KANSL1: variants seen among roughly 807,000 people sequenced by gnomAD.
KANSL1 encodes MLL1/MLL complex subunit KANSL1.
Under a neutral mutation model 103.6 loss-of-function variants are expected in KANSL1, and 22 were observed. The observed-to-expected ratio is 0.21, with a 90% CI of 0.15 to 0.30. KANSL1 has a LOEUF of 0.30. Ranked by LOEUF, KANSL1 falls within the 10% of genes least tolerant of loss-of-function variation. The pLI, the probability that KANSL1 is intolerant of heterozygous loss-of-function variation, is 1.00. For synonymous variants in KANSL1, 600 were observed against 527.6 expected (o/e 1.14, Z -1.88); for missense variants, 1,337 against 1,399.8 (o/e 0.96, Z 0.72).
chr17:46,141,084 A>G (rs74780688), intron 2 of KANSL1, among the ~76,000 whole-genome samples: 15 of 152,228 alleles, frequency 9.9e-5, no homozygotes, highest in African/African-American at 3.1e-4. Flanking sequence ...AAAAAAAAAA[A>G]AGACAATGTA....
intron 2 of KANSL1, among the ~76,000 whole-genome samples, chr17:46,126,116 C>G (rs925610093): frequency 6.6e-6 from 1 of 152,088 alleles, no homozygotes; most frequent in South Asian, 2.1e-4. Flanking sequence ...AAAAGTCGGC[C>G]GGGCACAGTG....
chr17:46,133,023 T>C (rs1241369319), intron 2 of KANSL1, among the ~76,000 whole-genome samples: 1 of 152,186 alleles, frequency 6.6e-6, no homozygotes, highest in African/African-American at 2.4e-5. Context: ...AGACTGTTTG[T>C]TTAGGGTCCA....
chr17:46,130,375 T>G (rs1440785819), intron 2 of KANSL1, among the ~76,000 whole-genome samples: 3 of 152,080 alleles, frequency 2.0e-5, no homozygotes, highest in Non-Finnish European at 4.4e-5. Flanking sequence ...AGCAATAAAG[T>G]TTAAAGTAGA....
chr17:46,184,810 T>C (rs952730250), intron 1 of KANSL1, among the ~76,000 whole-genome samples: 6 of 151,916 alleles, frequency 3.9e-5, no homozygotes, highest in Non-Finnish European at 8.8e-5. Flanking sequence ...CAATTTTGTC[T>C]TGTCTCTTTC....
intron 1 of KANSL1, among the ~76,000 whole-genome samples, chr17:46,210,456 G>A (rs2048120446): frequency 7.0e-4 from 1 of 1,424 alleles, no homozygotes; most frequent in South Asian, 0.025. Flanking sequence ...CTGGGCAACA[G>A]AGTGAGACTC....
At chr17:46,044,830 G>A (rs1454471196) in intron 7 of KANSL1, 2 of 152,152 alleles carry the variant, frequency 1.3e-5, no homozygotes, top group Non-Finnish European at 2.9e-5. Context: ...GCAGCAGTTG[G>A]TTGTTATTCT....
At chr17:46,182,941 G>C (rs2046856574) in intron 1 of KANSL1, among the ~76,000 whole-genome samples, 1 of 152,186 alleles carries the variant, frequency 6.6e-6, no homozygotes, top group Non-Finnish European at 1.5e-5. Flanking sequence ...TACCTACTGA[G>C]TATCTCCAAT....
At chr17:46,210,942 T>C (rs1243708998) in intron 1 of KANSL1, among the ~76,000 whole-genome samples, 1 of 152,210 alleles carries the variant, frequency 6.6e-6, no homozygotes. Flanking sequence ...GGGCCCAAAG[T>C]GGCAATTCCA....
upstream of KANSL1, among the ~76,000 whole-genome samples, chr17:46,198,420 A>AT (rs199805444): frequency 3.7e-5 from 4 of 109,212 alleles, no homozygotes; most frequent in Non-Finnish European, 5.3e-5. Flanking sequence ...ACCTACTTTA[A>AT]TTAAAAAAAA....
intron 2 of KANSL1, among the ~76,000 whole-genome samples, chr17:46,133,695 C>T (rs1050096632): frequency 2.6e-5 from 4 of 152,038 alleles, no homozygotes; most frequent in South Asian, 2.1e-4. Flanking sequence ...AAGTTTGATT[C>T]GAAAAATTTT....
At chr17:46,096,311 C>CTTTCTTTCTTTCTTTCTTTT (rs753073992) in intron 2 of KANSL1, among the ~76,000 whole-genome samples, 7 of 76,406 alleles carry the variant, frequency 9.2e-5, no homozygotes, top group Non-Finnish European at 1.5e-4. Flanking sequence ...GCTTTTTTTT[C>CTTTCTTTCTTTCTTTCTTTT]TTTTTTTTTT....
chr17:46,093,172 G>A (rs1300934762), intron 3 of KANSL1: 2 of 152,166 alleles, frequency 1.3e-5, no homozygotes, highest in Non-Finnish European at 2.9e-5. Flanking sequence ...AGGTGTCTCT[G>A]ATAGAGAAAG....
chr17:46,156,307 A>T (rs2045424947), intron 2 of KANSL1, among the ~76,000 whole-genome samples: 1 of 152,230 alleles, frequency 6.6e-6, no homozygotes, highest in Non-Finnish European at 1.5e-5. Context: ...AGATGGCACC[A>T]CTGTACTCCA....
Position 46,175,914 on chromosome 17 carries a change from C to T in KANSL1, c.-89-3682G>A, listed in dbSNP as rs557062883. Among the ~76,000 whole-genome samples the T allele has an allele frequency of 6.6e-5, 10 of 152,274 alleles. No homozygotes were observed. The South Asian group carries it at 2.1e-3, about 32-fold the overall frequency. ...TGTTATTAAACATTGTGTTATAGAC[C>T]AGTTGACAGCTGGACCAATATAGTT... is the stretch of plus-strand genomic sequence containing the variant. On this transcript the variant is annotated intron_variant, in intron 1 of 14. Transcript: ENST00000432791.
intron 2 of KANSL1, among the ~76,000 whole-genome samples, chr17:46,162,167 T>G (rs2045776481): frequency 6.6e-6 from 1 of 152,248 alleles, no homozygotes; most frequent in Non-Finnish European, 1.5e-5. Context: ...TAAGCATAAT[T>G]TTCCCAGATG....
chr17:46,047,236 AAGAACAGATGC>A (rs2077544365), intron 7 of KANSL1, among the ~76,000 whole-genome samples: 1 of 152,222 alleles, frequency 6.6e-6, no homozygotes, highest in Non-Finnish European at 1.5e-5. Flanking sequence ...CAATCATTTG[AAGAACAGATGC>A]AGAACAGGGG....
Position 46,171,676 on chromosome 17 carries a change from C to A in KANSL1, c.468G>T (p.Gly156=). The change falls in exon 2 of 15, where the codon GGG becomes GGT. Residue 156 remains glycine (G), a synonymous_variant. Transcript: ENST00000432791. ...QTALPQAPVN[G]LAKKLTKSST... ...AACTTTTAGTCAATTTCTTAGCCAA[C>A]CCATTTACAGGTGCTTGTGGCAGAG... is the stretch of plus-strand genomic sequence containing the variant. 2 of 1,552,692 alleles carry A rather than the reference C, an allele frequency of 1.3e-6. No homozygotes were observed. Among genetic ancestry groups the A allele is most frequent in the Non-Finnish European group, 1.7e-6 (2 of 1,153,952 alleles).
At chr17:46,145,402 G>C (rs770829966) in intron 2 of KANSL1, among the ~76,000 whole-genome samples, 11 of 152,142 alleles carry the variant, frequency 7.2e-5, no homozygotes, top group Non-Finnish European at 1.5e-4. Context: ...TAACCAATTT[G>C]ATAATTTAAT....
intron 7 of KANSL1, among the ~76,000 whole-genome samples, chr17:46,047,802 T>TAAAAA (rs66740033): frequency 8.3e-6 from 1 of 120,138 alleles, no homozygotes; most frequent in Non-Finnish European, 1.8e-5. Context: ...AAATAAAAAT[T>TAAAAA]AAAAAAAAAA....
Sources: allele counts gnomAD v4.1 joint callset (sites outside exome capture counted in the v4.1 genomes callset), GRCh38; gene constraint gnomAD v4.1.1; transcripts MANE v1.5; gene names NCBI Gene and HGNC (gene_info 2026-07-23, HGNC 2026-07-21).